The following CLCN7 variants were observed in gnomAD, a reference collection of about 807,000 sequenced individuals.
CLCN7 encodes H(+)/Cl(-) exchange transporter 7.
In CLCN7, 60 loss-of-function variants were observed where a neutral mutation model predicts 102.1. The observed-to-expected ratio is 0.59, with a 90% CI of 0.48 to 0.73. The LOEUF (loss-of-function observed/expected upper bound fraction) is 0.73. CLCN7 is among the 30% of genes least tolerant of loss of function. CLCN7 has a pLI of 0.00. For synonymous variants in CLCN7, 560 were observed against 490.5 expected (o/e 1.14, Z -1.87); for missense variants, 962 against 1,125.7 (o/e 0.85, Z 2.08).
chr16:1,447,894 C>T (rs551189698), intron 21 of CLCN7, among the ~76,000 whole-genome samples, 180 bp from the exon 22 acceptor site: 7 of 152,344 alleles, frequency 4.6e-5, no homozygotes, highest in African/African-American at 1.4e-4. Flanking sequence ...CACAATGCCA[C>T]GGGACCCAAG....
intron 24 of CLCN7, 33 bp from the exon 25 acceptor site, chr16:1,446,750 G>C (rs375516276): frequency 6.5e-7 from 1 of 1,532,736 alleles, no homozygotes; most frequent in Non-Finnish European, 8.9e-7. Flanking sequence ...AGTGACACAC[G>C]GGTCGGCTCC....
In CLCN7 at chr16:1,454,814, G is replaced by A. The variant is rs568275266; in HGVS notation, c.1098+320C>T. Reference sequence around the variant, plus strand: ...AGAGTCTCCCCAGCCCAGGCCCCAGGCTACCCTGGAAACTAGGCCTGAGCC... The same window carrying A: ...AGAGTCTCCCCAGCCCAGGCCCCAGACTACCCTGGAAACTAGGCCTGAGCC... On this transcript the variant is annotated intron_variant, in intron 12 of 24. Coordinates refer to ENST00000382745, the MANE Select transcript of CLCN7 (RefSeq NM_001287.6). Among the ~76,000 whole-genome samples the A allele has an allele frequency of 1.4e-4, 21 of 152,320 alleles. No homozygotes were observed. The East Asian group carries it at 3.3e-3, about 24-fold the overall frequency.
Position 1,452,820 on chromosome 16 carries a change from C to G in CLCN7, c.1288G>C (p.Val430Leu). 6.2e-7 allele frequency: 1 copy of G among 1,603,646 alleles called. No individual in the cohort carries two copies. Among genetic ancestry groups the G allele is most frequent in the Non-Finnish European group, 8.5e-7 (1 of 1,175,552 alleles). The change falls in exon 15 of 25, where the codon GTG (valine) becomes CTG (leucine). Residue 430 changes from valine (V) to leucine (L), a missense_variant. Coordinates refer to ENST00000382745, the MANE Select transcript of CLCN7 (RefSeq NM_001287.6). ...VAAVTATVAF[V>L]LIYSSRDCQP... ...CAATCCCGCGACGAGTAGATCAGCA[C>G]GAAGGCAACTGTGGCCGTGACGGCG...
chr16:1,461,398 A>G lies in CLCN7; in HGVS notation c.351+7T>C, dbSNP rs968873213. 5.2e-6 allele frequency: 8 copies of G among 1,548,624 alleles called. No individual in the cohort carries two copies. Among genetic ancestry groups the G allele is most frequent in the Non-Finnish European group, 7.0e-6 (8 of 1,146,708 alleles). Reference sequence around the variant, plus strand: ...TGGGGCCCTGCAGGGAGCGGCGTCCAGCTCACCGTGTGATTGATCCGCCGC... The same window carrying G: ...TGGGGCCCTGCAGGGAGCGGCGTCCGGCTCACCGTGTGATTGATCCGCCGC... On this transcript the variant is annotated splice_region_variant and intron_variant, in intron 4 of 24. Coordinates refer to ENST00000382745, the MANE Select transcript of CLCN7 (RefSeq NM_001287.6).
At chr16:1,460,691 C>T (rs2038921068) in intron 5 of CLCN7, 125 bp downstream of exon 5, 1 of 1,459,584 alleles carries the variant, frequency 6.9e-7, no homozygotes, top group South Asian at 1.2e-5. Flanking sequence ...ATGACAGGGA[C>T]ACAGCCAGCC....
chr16:1,472,643 A>C (rs1440441450), intron 1 of CLCN7: 5 of 152,162 alleles, frequency 3.3e-5, no homozygotes, highest in Non-Finnish European at 5.9e-5. Flanking sequence ...AGAGAAACTC[A>C]AATTCAACCT....
chr16:1,454,326 C>T (rs559954647), intron 13 of CLCN7, 85 bp downstream of exon 13: 4 of 1,408,572 alleles, frequency 2.8e-6, no homozygotes, highest in Non-Finnish European at 4.0e-6. Context: ...CAGGGAGCCA[C>T]AGCCTCCAGT....
Position 1,455,749 on chromosome 16 carries a change from C to G in CLCN7, c.963G>C (p.Gln321His), listed in dbSNP as rs776176305. 2 of 1,613,740 alleles carry G rather than the reference C, an allele frequency of 1.2e-6. No individual in the cohort carries two copies. Among genetic ancestry groups the G allele is most frequent in the African/African-American group, 2.7e-5 (2 of 74,940 alleles). Residue 321 changes from glutamine to histidine, a missense_variant, in exon 11 of 25, where the codon CAG becomes CAC. Gln to His is a conservative substitution (Grantham distance 24). This residue lies in a region of CLCN7 where 799 missense variants were observed against 988.0 expected (regional missense o/e 0.81). Coordinates refer to ENST00000382745, the MANE Select transcript of CLCN7 (RefSeq NM_001287.6). ...AACTTACGATCCTCCAGGTCAGGAACTGGTTCCAGAAGGACGCACCCTCCT... is the reference window on the plus strand; with the variant it reads ...AACTTACGATCCTCCAGGTCAGGAAGTGGTTCCAGAAGGACGCACCCTCCT... ...SLEEGASFWN[Q>H]FLTWRIFFAS... is the part of the protein sequence containing the mutation.
At position 1,474,815 on chromosome 16, in the gene CLCN7, G is replaced by C. The variant is rs547168471; in HGVS notation, c.141+19C>G. On this transcript the variant is annotated intron_variant, in intron 1 of 24. Coordinates refer to ENST00000382745, the MANE Select transcript of CLCN7 (RefSeq NM_001287.6). ...GCACGAGGGCTCAGTTTCCCCGCCT[G>C]CGCCCTGCCCGGCCTCACCTGGCGC... 365 of 1,317,754 alleles carry C rather than the reference G, an allele frequency of 2.8e-4. 4 individuals carry two copies. The Admixed American group carries it at 0.011, about 41-fold the overall frequency. The allele number at this position is 1,317,754 out of a possible 1,614,324, so 81.6% of individuals were successfully genotyped here.
chr16:1,453,336 A>T (rs2038784084), intron 14 of CLCN7, among the ~76,000 whole-genome samples: 2 of 152,120 alleles, frequency 1.3e-5, no homozygotes, highest in African/African-American at 4.8e-5. Context: ...ATCATCAATC[A>T]GGCACCCAAA....
intron 1 of CLCN7, among the ~76,000 whole-genome samples, chr16:1,473,370 CT>C (rs779736867): frequency 0.023 from 1,741 of 76,558 alleles, 9 homozygotes; most frequent in African/African-American, 0.073. Flanking sequence ...CCTTCCTAAA[CT>C]TTTTTTTTTT....
intron 5 of CLCN7, 132 bp from the exon 6 acceptor site, chr16:1,460,659 A>G (rs112477213): frequency 7.7e-7 from 1 of 1,301,310 alleles, no homozygotes; most frequent in African/African-American, 1.4e-5. Flanking sequence ...TGGACATCCC[A>G]GAGACGTCTC....
chr16:1,449,319 C>T lies in CLCN7; in HGVS notation c.1626G>A (p.Ala542=), dbSNP rs147838517. 30 of 1,585,948 alleles carry T rather than the reference C, an allele frequency of 1.9e-5. No homozygotes were observed. Among genetic ancestry groups the T allele is most frequent in the East Asian group, 4.6e-5 (2 of 43,468 alleles). The change falls in exon 18 of 25, where the codon GCG becomes GCA. Residue 542 remains alanine (A), a synonymous_variant. Transcript: ENST00000382745. The part of the protein sequence containing the change: ...LSYLTGAAIW[A]DPGKYALMGA... Reference sequence around the variant, plus strand: ...CCATCAGGGCGTATTTGCCGGGGTCCGCCCAGATCTGTGGGAGGTGACACG... The same window carrying T: ...CCATCAGGGCGTATTTGCCGGGGTCTGCCCAGATCTGTGGGAGGTGACACG...
Position 1,446,755 on chromosome 16 carries a change from G to A in CLCN7, c.2332-38C>T, listed in dbSNP as rs774829409. The stretch of plus-strand genomic sequence containing the variant: ...TCCAGGCCACAGTGACACACGGGTC[G>A]GCTCCCGCCTGCCTGTGGAGCTCCC... On this transcript the variant is annotated intron_variant, in intron 24 of 24. Coordinates refer to ENST00000382745, the MANE Select transcript of CLCN7 (RefSeq NM_001287.6). The A allele has an allele frequency of 5.2e-5, 79 of 1,513,308 alleles. 1 individual carries two copies. The highest frequency in any genetic ancestry group is 5.1e-4 in the Admixed American group (26 of 51,310). 93.7% of individuals were successfully genotyped at this position (1,513,308 alleles called of 1,614,324 possible). A position where few individuals can be genotyped will look rare whatever the true frequency, so the allele number is the denominator to read the frequency against.
intron 2 of CLCN7, among the ~76,000 whole-genome samples, chr16:1,463,775 A>G (rs1409135039): frequency 1.3e-4 from 3 of 23,626 alleles, no homozygotes; most frequent in Admixed American, 1.2e-3. Flanking sequence ...ACCTGCCCAG[A>G]AAAAAAAAAA....
Position 1,457,621 on chromosome 16 carries a change from A to G in CLCN7, c.738+73T>C, listed in dbSNP as rs936107786. 21 of 1,483,946 alleles carry G rather than the reference A, an allele frequency of 1.4e-5. No homozygotes were observed. Among genetic ancestry groups the G allele is most frequent in the Non-Finnish European group, 1.5e-5 (16 of 1,067,302 alleles). 91.9% of individuals were successfully genotyped at this position (1,483,946 alleles called of 1,614,324 possible). A position where few individuals can be genotyped will look rare whatever the true frequency, so the allele number is the denominator to read the frequency against. ...CAGAAGGACCGGTGCTCAGAGACAC[A>G]CATGGGCGTGGCGGCCCTCGCGGGC... On this transcript the variant is annotated intron_variant, in intron 8 of 24. Coordinates refer to ENST00000382745, the MANE Select transcript of CLCN7 (RefSeq NM_001287.6). The surrounding 1 kb of genome is among the most constrained non-coding windows in gnomAD (Gnocchi z 5.4).
chr16:1,451,600 C>G, intron 16 of CLCN7, 23 bp downstream of exon 16: 1 of 1,604,594 alleles, frequency 6.2e-7, no homozygotes, highest in Non-Finnish European at 8.5e-7. Context: ...CAGGGCCTGC[C>G]CAGCGGCACT....
intron 1 of CLCN7, among the ~76,000 whole-genome samples, chr16:1,466,261 G>A (rs1307316681): frequency 1.3e-5 from 2 of 152,230 alleles, no homozygotes; most frequent in Non-Finnish European, 2.9e-5. Context: ...GCCTTCCCTG[G>A]GAGCAGCCCT....
At chr16:1,449,673 G>A (rs770619892) in intron 17 of CLCN7, 4 of 355,240 alleles carry the variant, frequency 1.1e-5, no homozygotes, top group Admixed American at 4.7e-5. Context: ...GGGAACATCA[G>A]GCTGGGCCAC....
Sources: allele counts gnomAD v4.1 joint callset (sites outside exome capture counted in the v4.1 genomes callset), GRCh38; gene constraint gnomAD v4.1.1; regional missense constraint gnomAD v4.1.1; non-coding constraint Gnocchi (gnomAD v3.1); transcripts MANE v1.5; gene names NCBI Gene and HGNC (gene_info 2026-07-23, HGNC 2026-07-21).